Variants in GALNT13 observed in about 807,000 individuals in gnomAD.
The protein encoded by GALNT13 is polypeptide N-acetylgalactosaminyltransferase 13.
Under a neutral mutation model 64.2 loss-of-function variants are expected in GALNT13, and 28 were observed. That is an observed-to-expected ratio of 0.44 (90% confidence interval 0.32 to 0.60). GALNT13 has a LOEUF of 0.60. Ranked by LOEUF, GALNT13 falls within the 20% of genes least tolerant of loss-of-function variation. GALNT13 has a pLI of 0.05. For missense variants in GALNT13, 577 were observed against 669.8 expected (o/e 0.86, Z 1.53); for synonymous variants, 214 against 224.6 (o/e 0.95, Z 0.42).
chr2:154,167,522 A>G (rs1185567119), intron 4 of GALNT13, among the ~76,000 whole-genome samples: 1 of 152,198 alleles, frequency 6.6e-6, no homozygotes, highest in Non-Finnish European at 1.5e-5. Flanking sequence ...CTAACAGCAA[A>G]CATCTCCTTT....
chr2:154,419,018 A>T (rs989688418), intron 11 of GALNT13, among the ~76,000 whole-genome samples: 1 of 152,122 alleles, frequency 6.6e-6, no homozygotes, highest in Non-Finnish European at 1.5e-5. Flanking sequence ...ATTGTCAATT[A>T]TAAATCCTAT....
the GALNT13 span, among the ~76,000 whole-genome samples, chr2:153,713,604 T>C: frequency 6.6e-6 from 1 of 152,188 alleles, no homozygotes; most frequent in African/African-American, 2.4e-5. Flanking sequence ...TGCCTCAGCC[T>C]CCTGAGTAGC....
chr2:153,829,287 A>T, the GALNT13 span, among the ~76,000 whole-genome samples: 1 of 152,106 alleles, frequency 6.6e-6, no homozygotes, highest in African/African-American at 2.4e-5. Context: ...CACTGTGGAT[A>T]AAGGCATACC....
chr2:153,812,119 G>A, the GALNT13 span, among the ~76,000 whole-genome samples: 2 of 152,084 alleles, frequency 1.3e-5, no homozygotes, highest in East Asian at 3.9e-4. Flanking sequence ...TGTGACTTCT[G>A]TCATCAACAA....
chr2:153,393,553 A>T, the GALNT13 span, among the ~76,000 whole-genome samples: 1 of 152,062 alleles, frequency 6.6e-6, no homozygotes, highest in African/African-American at 2.4e-5. Flanking sequence ...AGCTTAGACA[A>T]AACAAATTTA....
chr2:154,455,593 C>CA (rs2105517242), downstream of GALNT13, among the ~76,000 whole-genome samples: 1 of 2,076 alleles, frequency 4.8e-4, no homozygotes, highest in African/African-American at 5.4e-4. Context: ...GTGAAATCAG[C>CA]CCCTTATGTA....
chr2:153,301,309 C>CAAAAAAAAAAAAAGA, the GALNT13 span, among the ~76,000 whole-genome samples: 2 of 76,424 alleles, frequency 2.6e-5, no homozygotes, highest in South Asian at 6.8e-4. Flanking sequence ...GACTCCTTCT[C>CAAAAAAAAAAAAAGA]AAAAAAAAAG....
At chr2:153,293,775 G>C in the GALNT13 span, among the ~76,000 whole-genome samples, 11 of 113,790 alleles carry the variant, frequency 9.7e-5, no homozygotes, top group Non-Finnish European at 1.7e-4. Context: ...GTGTGTGTGT[G>C]TGTGTGTGTG....
intron 3 of GALNT13, among the ~76,000 whole-genome samples, chr2:154,037,578 C>A (rs577690834): frequency 6.6e-6 from 1 of 152,056 alleles, no homozygotes; most frequent in South Asian, 2.1e-4. Flanking sequence ...TACCTTTTTG[C>A]ACATGACATG....
intron 4 of GALNT13, among the ~76,000 whole-genome samples, chr2:154,226,979 CAG>C (rs750439707): frequency 8.5e-5 from 13 of 152,194 alleles, no homozygotes; most frequent in Middle Eastern, 3.4e-3. Flanking sequence ...TTGCTGTATG[CAG>C]AGAGACGCTC....
At chr2:153,331,553 A>G in the GALNT13 span, among the ~76,000 whole-genome samples, 2 of 152,162 alleles carry the variant, frequency 1.3e-5, no homozygotes, top group East Asian at 1.9e-4. Context: ...TTGGGGTCCA[A>G]TGTTCGAGGG....
the GALNT13 span, among the ~76,000 whole-genome samples, chr2:153,188,691 C>G: frequency 6.6e-6 from 1 of 151,984 alleles, no homozygotes; most frequent in African/African-American, 2.4e-5. Flanking sequence ...AAATGAATTT[C>G]CTTGGATAGC....
At chr2:153,104,492 G>A in the GALNT13 span, among the ~76,000 whole-genome samples, 1 of 152,134 alleles carries the variant, frequency 6.6e-6, no homozygotes, top group South Asian at 2.1e-4. Context: ...AAAGGTACAT[G>A]TTTCTGGTTT....
intron 8 of GALNT13, among the ~76,000 whole-genome samples, chr2:154,292,562 C>T (rs1360209847): frequency 6.6e-6 from 1 of 151,996 alleles, no homozygotes; most frequent in Non-Finnish European, 1.5e-5. Flanking sequence ...TATCTGAGAC[C>T]CAAATCACAG....
the GALNT13 span, among the ~76,000 whole-genome samples, chr2:153,111,670 A>G: frequency 1.3e-4 from 19 of 150,546 alleles, no homozygotes; most frequent in Non-Finnish European, 2.2e-4. Flanking sequence ...TATGGATATC[A>G]TGAGTAAATA....
At chr2:154,127,239 C>T (rs1379079604) in intron 3 of GALNT13, among the ~76,000 whole-genome samples, 1 of 151,972 alleles carries the variant, frequency 6.6e-6, no homozygotes, top group African/African-American at 2.4e-5. Context: ...GTAGTATTAA[C>T]CCATAATATA....
chr2:153,394,560 G>A, the GALNT13 span, among the ~76,000 whole-genome samples: 1 of 152,030 alleles, frequency 6.6e-6, no homozygotes, highest in Non-Finnish European at 1.5e-5. Context: ...AGGCTCTACA[G>A]TTATAAAACT....
chr2:153,960,758 T>C (rs1430395727), intron 3 of GALNT13, among the ~76,000 whole-genome samples: 1 of 152,184 alleles, frequency 6.6e-6, no homozygotes, highest in Non-Finnish European at 1.5e-5. Flanking sequence ...GAGGCCTGCC[T>C]CTGTAGTTGA....
At chr2:153,604,757 A>C in the GALNT13 span, among the ~76,000 whole-genome samples, 1 of 152,144 alleles carries the variant, frequency 6.6e-6, no homozygotes, top group South Asian at 2.1e-4. Flanking sequence ...TATGAATATG[A>C]CATTATTTTA....
Sources: gnomAD v4.1 joint callset for allele counts (sites outside exome capture counted in the v4.1 genomes callset) on GRCh38, gnomAD v4.1.1 for gene constraint, MANE v1.5 for transcripts, NCBI Gene and HGNC (gene_info 2026-07-23, HGNC 2026-07-21) for gene names.